The following VEPH1 variants were observed in gnomAD, a reference collection of about 807,000 sequenced individuals.
The protein encoded by VEPH1 is ventricular zone expressed PH domain containing 1, also known as ventricular zone-expressed PH domain-containing protein homolog 1.
In VEPH1, 80 loss-of-function variants were observed where a neutral mutation model predicts 85.2. The ratio of observed to expected loss-of-function variants is 0.94; its 90% CI spans 0.78 to 1.13. VEPH1 has a LOEUF of 1.13. Among genes scored for constraint, VEPH1 ranks in the 50% most tolerant of loss-of-function variants. The pLI, the probability that VEPH1 is intolerant of heterozygous loss-of-function variation, is 0.00. For missense variants in VEPH1, 955 were observed against 980.5 expected (o/e 0.97, Z 0.35); for synonymous variants, 297 against 348.0 (o/e 0.85, Z 1.63).
At chr3:157,287,508 A>G (rs569740414) in intron 11 of VEPH1, among the ~76,000 whole-genome samples, 97 of 152,234 alleles carry the variant, frequency 6.4e-4, no homozygotes, top group Non-Finnish European at 1.3e-3. Context: ...CTAAAAGTGT[A>G]TGCAAATTTT....
At chr3:157,389,217 T>C (rs1729601207) in intron 6 of VEPH1, among the ~76,000 whole-genome samples, 1 of 152,190 alleles carries the variant, frequency 6.6e-6, no homozygotes, top group African/African-American at 2.4e-5. Flanking sequence ...TGAACAAAAC[T>C]TATCCAACAT....
intron 4 of VEPH1, among the ~76,000 whole-genome samples, chr3:157,445,472 T>A (rs1422190358): frequency 1.3e-5 from 2 of 151,972 alleles, no homozygotes. Context: ...ATACAAAAAA[T>A]GAGCCAGGCA....
At chr3:157,293,695 T>G (rs775507676) in intron 11 of VEPH1, among the ~76,000 whole-genome samples, 1 of 152,210 alleles carries the variant, frequency 6.6e-6, no homozygotes, top group Non-Finnish European at 1.5e-5. Flanking sequence ...TAAAACAGTT[T>G]GTGAAAAATT....
intron 2 of VEPH1, among the ~76,000 whole-genome samples, chr3:157,476,141 G>A (rs1737452471): frequency 6.6e-6 from 1 of 152,160 alleles, no homozygotes; most frequent in South Asian, 2.1e-4. Context: ...GAGGGATAGA[G>A]GCTAGGCATC....
chr3:157,333,040 T>C (rs762925083), intron 9 of VEPH1, among the ~76,000 whole-genome samples: 13 of 152,214 alleles, frequency 8.5e-5, no homozygotes, highest in Non-Finnish European at 1.3e-4. Flanking sequence ...AAAAGTGTTA[T>C]TGTGGCAATG....
chr3:157,451,210 A>G (rs897140506), intron 4 of VEPH1, among the ~76,000 whole-genome samples: 3 of 152,270 alleles, frequency 2.0e-5, no homozygotes, highest in Non-Finnish European at 2.9e-5. Context: ...CTAAATTGGT[A>G]TGTTTTTTAA....
intron 4 of VEPH1, chr3:157,438,052 C>T (rs1454036780): frequency 3.8e-5 from 28 of 734,980 alleles, no homozygotes; most frequent in Non-Finnish European, 5.3e-5. Flanking sequence ...CACACACACA[C>T]ACACACACAC....
In VEPH1 at chr3:157,363,245, A is replaced by C. The variant is rs1577448426; in HGVS notation, c.1735+119T>G. 36 of 1,042,392 alleles carry C rather than the reference A, an allele frequency of 3.5e-5. 1 individual carries two copies. In the East Asian group the frequency reaches 8.6e-4, roughly 25 times the overall value. The allele number at this position is 1,042,392 out of a possible 1,614,324, so 64.6% of individuals were successfully genotyped here. On this transcript the variant is annotated intron_variant, in intron 9 of 13. Transcript: ENST00000362010. ...TAACATAATGTAAGGTATTTAAAAA[A>C]AATGATCTATTTTGCAAAAGATCCA...
At chr3:157,358,562 C>A (rs555576061) in intron 9 of VEPH1, among the ~76,000 whole-genome samples, 1 of 152,278 alleles carries the variant, frequency 6.6e-6, no homozygotes, top group East Asian at 1.9e-4. Flanking sequence ...TGGGCGTAAT[C>A]AACATCCCCC....
intron 12 of VEPH1, among the ~76,000 whole-genome samples, chr3:157,276,826 G>A (rs944958288): frequency 1.3e-5 from 2 of 152,192 alleles, no homozygotes; most frequent in African/African-American, 4.8e-5. Flanking sequence ...AGATTTGCCT[G>A]GGACTGCTGT....
At chr3:157,285,402 G>C (rs959677013) in intron 12 of VEPH1, 6 of 152,114 alleles carry the variant, frequency 3.9e-5, no homozygotes, top group African/African-American at 1.4e-4. Flanking sequence ...TCTCCATCTG[G>C]CCAAATAAAC....
intron 9 of VEPH1, 33 bp downstream of exon 9, chr3:157,363,331 G>A: frequency 3.3e-6 from 5 of 1,521,402 alleles, no homozygotes; most frequent in Non-Finnish European, 4.4e-6. Flanking sequence ...GACTCCTGAA[G>A]TTTCTCAGGT....
chr3:157,307,124 T>A (rs1719602087), intron 11 of VEPH1, among the ~76,000 whole-genome samples: 2 of 152,018 alleles, frequency 1.3e-5, no homozygotes, highest in South Asian at 4.1e-4. Flanking sequence ...TTAAATGGAA[T>A]TAAGACTTCA....
intron 4 of VEPH1, chr3:157,442,259 T>C (rs2109238588): frequency 2.8e-6 from 3 of 1,064,240 alleles, no homozygotes; most frequent in Admixed American, 2.8e-5. Flanking sequence ...TTCACATAGC[T>C]TTCAATTGTA....
At chr3:157,486,587 AC>A (rs1485204217) in intron 2 of VEPH1, among the ~76,000 whole-genome samples, 1 of 152,070 alleles carries the variant, frequency 6.6e-6, no homozygotes, top group Non-Finnish European at 1.5e-5. Context: ...TAGCTATACA[AC>A]CTTGGTAAAG....
chr3:157,299,706 G>C (rs1361131072), intron 11 of VEPH1, among the ~76,000 whole-genome samples: 1 of 151,982 alleles, frequency 6.6e-6, no homozygotes. Context: ...TTAATGGAAA[G>C]AGCCTGATCC....
intron 7 of VEPH1, among the ~76,000 whole-genome samples, chr3:157,377,688 T>C (rs912217501): frequency 1.3e-5 from 2 of 152,156 alleles, no homozygotes; most frequent in South Asian, 2.1e-4. Context: ...CTTGCTGCCT[T>C]GTGAAGATGG....
chr3:157,474,502 T>C (rs1030398859), intron 2 of VEPH1, among the ~76,000 whole-genome samples: 4 of 152,246 alleles, frequency 2.6e-5, no homozygotes, highest in Admixed American at 6.5e-5. Flanking sequence ...TAACTCTCTT[T>C]CTGTAACTTT....
intron 2 of VEPH1, among the ~76,000 whole-genome samples, chr3:157,486,841 T>C (rs1417051107): frequency 6.6e-6 from 1 of 152,130 alleles, no homozygotes; most frequent in Non-Finnish European, 1.5e-5. Context: ...TCACATTCTC[T>C]GACTACATGC....
Sources: gnomAD v4.1 joint callset for allele counts (sites outside exome capture counted in the v4.1 genomes callset) on GRCh38, gnomAD v4.1.1 for gene constraint, MANE v1.5 for transcripts, NCBI Gene and HGNC (gene_info 2026-07-23, HGNC 2026-07-21) for gene names.